The following CNTLN variants were observed in gnomAD, a reference collection of about 807,000 sequenced individuals.
CNTLN encodes centlein, centrosomal protein.
In CNTLN, 212 loss-of-function variants were observed where a neutral mutation model predicts 180.0. The observed-to-expected ratio is 1.18, with a 90% CI of 1.05 to 1.32. The LOEUF (loss-of-function observed/expected upper bound fraction) is 1.32. CNTLN is among the 40% of genes most tolerant of loss of function. CNTLN has a pLI of 0.00. For synonymous variants in CNTLN, 722 were observed against 563.1 expected (o/e 1.28, Z -3.99); for missense variants, 2,095 against 1,610.9 (o/e 1.30, Z -5.14).
chr9:17,270,685 A>G (rs928139568), intron 5 of CNTLN, among the ~76,000 whole-genome samples: 3 of 152,266 alleles, frequency 2.0e-5, no homozygotes, highest in South Asian at 2.1e-4. Flanking sequence ...TGTAATGTTT[A>G]TAGACCTTAC....
At chr9:17,360,554 A>G (rs1190068297) in intron 12 of CNTLN, among the ~76,000 whole-genome samples, 1 of 152,148 alleles carries the variant, frequency 6.6e-6, no homozygotes, top group East Asian at 1.9e-4. Context: ...TTGTGGTGGA[A>G]GAGATTCTTG....
At chr9:17,378,896 GTTATC>G (rs1824997789) in intron 13 of CNTLN, among the ~76,000 whole-genome samples, 1 of 152,124 alleles carries the variant, frequency 6.6e-6, no homozygotes, top group Admixed American at 6.5e-5. Context: ...TCCATCTGGT[GTTATC>G]TTCTTTCTGC....
intron 16 of CNTLN, among the ~76,000 whole-genome samples, chr9:17,414,673 A>G (rs907877466): frequency 3.9e-5 from 6 of 152,202 alleles, no homozygotes; most frequent in African/African-American, 1.4e-4. Context: ...CTTCTGTTCC[A>G]TGTGTTAATC....
rs771058696 is a variant in CNTLN at position 17,457,592 on chromosome 9, A to G, written c.3183A>G (p.Ser1061=). ...KEDLLKKLES[S]SEITSLAEEN... ...ATTTACTAAAGAAATTGGAGTCCTC[A>G]TCTGAAATCACAAGTTTGGCAGAAG... Residue 1061 remains serine (S), a synonymous_variant, in exon 19 of 26, where the codon TCA becomes TCG. Transcript: ENST00000380647. The G allele has an allele frequency of 3.2e-6, 5 of 1,563,884 alleles. No homozygotes were observed. Among genetic ancestry groups the G allele is most frequent in the Non-Finnish European group, 4.3e-6 (5 of 1,153,152 alleles).
At chr9:17,196,783 G>A (rs1314406579) in intron 2 of CNTLN, among the ~76,000 whole-genome samples, 1 of 151,832 alleles carries the variant, frequency 6.6e-6, no homozygotes, top group African/African-American at 2.4e-5. Context: ...TTGGATACAG[G>A]CATACAATGC....
At chr9:17,228,676 G>A (rs1321598431) in intron 3 of CNTLN, among the ~76,000 whole-genome samples, 1 of 151,982 alleles carries the variant, frequency 6.6e-6, no homozygotes, top group Non-Finnish European at 1.5e-5. Flanking sequence ...TCATACAGAC[G>A]ACTGTATACC....
At chr9:17,146,800 T>TA (rs1412318581) in intron 2 of CNTLN, among the ~76,000 whole-genome samples, 1 of 152,142 alleles carries the variant, frequency 6.6e-6, no homozygotes, top group African/African-American at 2.4e-5. Context: ...AAAAATTACT[T>TA]ATTTTTTAAT....
chr9:17,316,990 T>C (rs1342008475), intron 8 of CNTLN, among the ~76,000 whole-genome samples: 2 of 152,110 alleles, frequency 1.3e-5, no homozygotes, highest in Non-Finnish European at 2.9e-5. Flanking sequence ...TCAGTACAGA[T>C]TTATAATTTT....
intron 2 of CNTLN, among the ~76,000 whole-genome samples, chr9:17,204,105 C>T (rs1451567111): frequency 6.6e-6 from 1 of 152,192 alleles, no homozygotes; most frequent in African/African-American, 2.4e-5. Flanking sequence ...TGGGTTAGAA[C>T]ATGTTCCTTT....
chr9:17,384,575 A>G (rs1013673367), intron 13 of CNTLN, among the ~76,000 whole-genome samples: 2 of 151,986 alleles, frequency 1.3e-5, no homozygotes, highest in Non-Finnish European at 2.9e-5. Flanking sequence ...ATTTCTTGCC[A>G]TTTCATTCAT....
chr9:17,475,041 T>G (rs1218922135), intron 23 of CNTLN, among the ~76,000 whole-genome samples: 1 of 152,160 alleles, frequency 6.6e-6, no homozygotes, highest in Non-Finnish European at 1.5e-5. Context: ...ACTATTCCAC[T>G]TTAGCCTTTC....
At chr9:17,240,503 A>T (rs1231416076) in intron 5 of CNTLN, among the ~76,000 whole-genome samples, 1 of 152,154 alleles carries the variant, frequency 6.6e-6, no homozygotes, top group African/African-American at 2.4e-5. Flanking sequence ...TTAAATAGAG[A>T]AAGAGTGGAT....
chr9:17,190,298 T>C (rs1821715505), intron 2 of CNTLN, among the ~76,000 whole-genome samples: 1 of 151,942 alleles, frequency 6.6e-6, no homozygotes, highest in East Asian at 1.9e-4. Flanking sequence ...GGCAGCAGGA[T>C]AAATCAGGTT....
chr9:17,490,842 G>GC (rs778031446), intron 25 of CNTLN, among the ~76,000 whole-genome samples: 49 of 152,092 alleles, frequency 3.2e-4, no homozygotes, highest in Non-Finnish European at 5.6e-4. Context: ...CGTGTGTTGT[G>GC]CCCCCCACCA....
intron 5 of CNTLN, among the ~76,000 whole-genome samples, chr9:17,256,754 A>G (rs1027743192): frequency 4.0e-4 from 61 of 151,914 alleles, no homozygotes; most frequent in African/African-American, 1.4e-3. Context: ...TTCTTGTACA[A>G]CTCAAAGCAG....
intron 2 of CNTLN, among the ~76,000 whole-genome samples, chr9:17,169,329 A>G (rs761949860): frequency 1.3e-5 from 2 of 152,150 alleles, no homozygotes; most frequent in Non-Finnish European, 2.9e-5. Flanking sequence ...AACCTGATAG[A>G]ACATAATGAC....
At chr9:17,287,961 C>T (rs1587502038) in intron 6 of CNTLN, among the ~76,000 whole-genome samples, 2 of 143,748 alleles carry the variant, frequency 1.4e-5, no homozygotes, top group Non-Finnish European at 3.0e-5. Flanking sequence ...AAAACCAGCT[C>T]CTGGATTCCT....
chr9:17,389,876 G>C (rs893941978), intron 14 of CNTLN, among the ~76,000 whole-genome samples: 11 of 152,034 alleles, frequency 7.2e-5, no homozygotes, highest in African/African-American at 2.7e-4. Flanking sequence ...TTGGAGATAG[G>C]GTCCTTAAAG....
At chr9:17,318,034 T>G (rs1398406832) in intron 8 of CNTLN, among the ~76,000 whole-genome samples, 1 of 150,116 alleles carries the variant, frequency 6.7e-6, no homozygotes, top group Non-Finnish European at 1.5e-5. Flanking sequence ...TTTTCTTTTT[T>G]TTTTTTTTTT....
Sources: allele counts gnomAD v4.1 joint callset (sites outside exome capture counted in the v4.1 genomes callset), GRCh38; gene constraint gnomAD v4.1.1; transcripts MANE v1.5; gene names NCBI Gene and HGNC (gene_info 2026-07-23, HGNC 2026-07-21).